The following CDPF1 variants were observed in gnomAD, a reference collection of about 807,000 sequenced individuals.
The protein encoded by CDPF1 is cysteine rich DPF motif domain containing 1.
In CDPF1, 8 loss-of-function variants were observed where a neutral mutation model predicts 8.3. The ratio of observed to expected loss-of-function variants is 0.96; its 90% CI spans 0.57 to 1.74. The LOEUF (loss-of-function observed/expected upper bound fraction) is 1.74. Among genes scored for constraint, CDPF1 ranks in the 40% most tolerant of loss-of-function variants. The pLI is 0.00. For synonymous variants in CDPF1, 62 were observed against 62.9 expected (o/e 0.99, Z 0.07); for missense variants, 151 against 155.3 (o/e 0.97, Z 0.15).
At position 46,248,046 on chromosome 22, in the gene CDPF1, C is replaced by G. The variant is rs1817171003; in HGVS notation, c.113+126G>C. 2 of 614,504 alleles carry G rather than the reference C, an allele frequency of 3.3e-6. No individual in the cohort carries two copies. Among genetic ancestry groups the G allele is most frequent in the South Asian group, 2.1e-5 (1 of 48,476 alleles). 38.1% of individuals were successfully genotyped at this position (614,504 alleles called of 1,614,324 possible). A position where few individuals can be genotyped will look rare whatever the true frequency, so the allele number is the denominator to read the frequency against. ...CTCCAGAGATTACACCAGAAGCATT[C>G]AGAGCCTGGCCAGGGTGGGGTCTAA... On this transcript the variant is annotated intron_variant, in intron 2 of 3. Coordinates refer to ENST00000314567, the MANE Select transcript of CDPF1 (RefSeq NM_207327.5). The surrounding 1 kb of genome is among the most constrained non-coding windows in gnomAD (Gnocchi z 4.1).
In CDPF1 at chr22:46,245,034, C is replaced by G. The variant is rs767960045; in HGVS notation, c.*58G>C. The G allele has an allele frequency of 1.2e-5, 19 of 1,593,106 alleles. No homozygotes were observed. Among genetic ancestry groups the G allele is most frequent in the African/African-American group, 2.7e-5 (2 of 74,398 alleles). Reference sequence around the variant, plus strand: ...TCCCAGCTCAGCAGCATCCCTGGCGCAGGCTGGCCCAGGAGCTCTGTGCAG... The same window carrying G: ...TCCCAGCTCAGCAGCATCCCTGGCGGAGGCTGGCCCAGGAGCTCTGTGCAG... On this transcript the variant is annotated 3_prime_UTR_variant, in exon 4 of 4. Transcript: ENST00000314567. The surrounding 1 kb of genome is among the most constrained non-coding windows in gnomAD (Gnocchi z 6.9).
At position 46,247,197 on chromosome 22, in the gene CDPF1, CA is replaced by C; in HGVS notation, c.137del (p.Met46ArgfsTer84). The C allele has an allele frequency of 6.2e-7, 1 of 1,613,808 alleles. No homozygotes were observed. Among genetic ancestry groups the C allele is most frequent in the Non-Finnish European group, 8.5e-7 (1 of 1,179,778 alleles). ...SMVLLEESYV[M>X]KDPFTSDKDR... Reference sequence around the variant, plus strand: ...CCTTGTCGGAGGTGAAGGGATCCTTCATGACATAGCTTTCCTCCAGGAGGCT... The same window carrying C: ...CCTTGTCGGAGGTGAAGGGATCCTTCTGACATAGCTTTCCTCCAGGAGGCT... On this transcript the variant is annotated frameshift_variant, in exon 3 of 4. Transcript: ENST00000314567. LOFTEE classifies it high-confidence loss of function. The surrounding 1 kb of genome is among the most constrained non-coding windows in gnomAD (Gnocchi z 4.3).
In CDPF1 at chr22:46,248,104, G is replaced by T; in HGVS notation, c.113+68C>A. On this transcript the variant is annotated intron_variant, in intron 2 of 3. Transcript: ENST00000314567. This position sits in a 1 kb window ranked among gnomAD's most constrained non-coding sequence, Gnocchi z 4.1. ...CACCTGAGACAGTTGTCAGACCTAG[G>T]CACACCACCCACCAACCAGCACTGG... is the stretch of plus-strand genomic sequence containing the variant. The T allele has an allele frequency of 9.1e-7, 1 of 1,103,594 alleles. No individual in the cohort carries two copies. Among genetic ancestry groups the T allele is most frequent in the Non-Finnish European group, 1.4e-6 (1 of 739,226 alleles). 68.4% of individuals were successfully genotyped at this position (1,103,594 alleles called of 1,614,324 possible).
rs2147762725 is a variant in CDPF1, at chr22:46,244,686, G to A, written c.*406C>T. The A allele has an allele frequency of 5.4e-6, 1 of 186,144 alleles. No individual in the cohort carries two copies. The highest frequency in any genetic ancestry group is 1.1e-5 in the Non-Finnish European group (1 of 88,298). The allele number at this position is 186,144 out of a possible 1,614,324, so 11.5% of individuals were successfully genotyped here. A position where few individuals can be genotyped will look rare whatever the true frequency, so the allele number is the denominator to read the frequency against. The stretch of plus-strand genomic sequence containing the variant: ...TGATTTTCCTTACAGAGAGACCATT[G>A]CAGCCACCTACAGTGCACCATGGCC... On this transcript the variant is annotated 3_prime_UTR_variant, in exon 4 of 4. Coordinates refer to ENST00000314567, the MANE Select transcript of CDPF1 (RefSeq NM_207327.5). The surrounding 1 kb of genome is among the most constrained non-coding windows in gnomAD (Gnocchi z 6.7).
In CDPF1 at chr22:46,249,435, G is replaced by A. The variant is rs527806764; in HGVS notation, c.-1+821C>T. ...AGCCAGAGGCGGGCGGATTACCTGA[G>A]GTCAGGAGTTCAAGACCAACCTAGC... is the stretch of plus-strand genomic sequence containing the variant. On this transcript the variant is annotated intron_variant, in intron 1 of 3. Coordinates refer to ENST00000314567, the MANE Select transcript of CDPF1 (RefSeq NM_207327.5). This position sits in a 1 kb window ranked among gnomAD's most constrained non-coding sequence, Gnocchi z 4.6. Among the ~76,000 whole-genome samples the A allele has an allele frequency of 1.3e-5, 2 of 152,158 alleles. No homozygotes were observed. The highest frequency in any genetic ancestry group is 2.4e-5 in the African/African-American group (1 of 41,516).
rs1315492086 is a variant in CDPF1, at chr22:46,246,496, AG to A, written c.225+613del. Among the ~76,000 whole-genome samples the A allele has an allele frequency of 1.3e-5, 2 of 152,178 alleles. No individual in the cohort carries two copies. Among genetic ancestry groups the A allele is most frequent in the Non-Finnish European group, 2.9e-5 (2 of 68,026 alleles). ...GTGTGTCAACCTGTGGCAGATGCTC[AG>A]GGACTTCTCAGACTCTGGGGTCACT... On this transcript the variant is annotated intron_variant, in intron 3 of 3. Coordinates refer to ENST00000314567, the MANE Select transcript of CDPF1 (RefSeq NM_207327.5). The surrounding 1 kb of genome is among the most constrained non-coding windows in gnomAD (Gnocchi z 7.1).
chr22:46,244,933 C>T lies in CDPF1; in HGVS notation c.*159G>A. The T allele has an allele frequency of 1.1e-6, 1 of 890,350 alleles. No homozygotes were observed. Among genetic ancestry groups the T allele is most frequent in the Non-Finnish European group, 1.7e-6 (1 of 592,824 alleles). 55.2% of individuals were successfully genotyped at this position (890,350 alleles called of 1,614,324 possible). On this transcript the variant is annotated 3_prime_UTR_variant, in exon 4 of 4. Transcript: ENST00000314567. This position sits in a 1 kb window ranked among gnomAD's most constrained non-coding sequence, Gnocchi z 6.7. ...CTACAGCTCCCTGGGCCTGTGGCTG[C>T]TCCAAGCTGGACTCCAGCTCCCCTG... is the stretch of plus-strand genomic sequence containing the variant.
chr22:46,247,296 G>A lies in CDPF1; in HGVS notation c.114-75C>T. ...GAAAATCAGCCATGACCTATGGCCA[G>A]GCAGCAGCAGCCTGCACCTCTGCAG... is the stretch of plus-strand genomic sequence containing the variant. On this transcript the variant is annotated intron_variant, in intron 2 of 3. Transcript: ENST00000314567. This position sits in a 1 kb window ranked among gnomAD's most constrained non-coding sequence, Gnocchi z 4.3. 1 of 998,910 alleles carries A rather than the reference G, an allele frequency of 1.0e-6. No homozygotes were observed. Among genetic ancestry groups the A allele is most frequent in the South Asian group, 1.4e-5 (1 of 73,348 alleles). 61.9% of individuals were successfully genotyped at this position (998,910 alleles called of 1,614,324 possible).
Position 46,245,085 on chromosome 22 carries a change from G to A in CDPF1, c.*7C>T. The A allele has an allele frequency of 1.4e-5, 23 of 1,614,060 alleles. 1 individual carries two copies. The highest frequency in any genetic ancestry group is 1.9e-5 in the Non-Finnish European group (22 of 1,179,892). On this transcript the variant is annotated 3_prime_UTR_variant, in exon 4 of 4. Coordinates refer to ENST00000314567, the MANE Select transcript of CDPF1 (RefSeq NM_207327.5). The surrounding 1 kb of genome is among the most constrained non-coding windows in gnomAD (Gnocchi z 6.9). Reference sequence around the variant, plus strand: ...GGTGCCGCCCGATGACCTAGCCCCAGTTGCACTCACGTCCGAGAACCGGGC... The same window carrying A: ...GGTGCCGCCCGATGACCTAGCCCCAATTGCACTCACGTCCGAGAACCGGGC...
chr22:46,248,132 A>T lies in CDPF1; in HGVS notation c.113+40T>A, dbSNP rs762403778. 6.8e-7 allele frequency: 1 copy of T among 1,460,214 alleles called. No homozygotes were observed. Among genetic ancestry groups the T allele is most frequent in the Non-Finnish European group, 9.6e-7 (1 of 1,046,672 alleles). The allele number at this position is 1,460,214 out of a possible 1,614,324, so 90.5% of individuals were successfully genotyped here. Reference sequence around the variant, plus strand: ...CACCACCCACCAACCAGCACTGGGCACAGGCCTCCCCGGCACTGGCCCAAA... The same window carrying T: ...CACCACCCACCAACCAGCACTGGGCTCAGGCCTCCCCGGCACTGGCCCAAA... On this transcript the variant is annotated intron_variant, in intron 2 of 3. Coordinates refer to ENST00000314567, the MANE Select transcript of CDPF1 (RefSeq NM_207327.5). This position sits in a 1 kb window ranked among gnomAD's most constrained non-coding sequence, Gnocchi z 4.1.
Position 46,249,616 on chromosome 22 carries a change from T to G in CDPF1, c.-1+640A>C, listed in dbSNP as rs1366855012. 6.6e-6 allele frequency among the ~76,000 whole-genome samples: 1 copy of G among 151,972 alleles called. No individual in the cohort carries two copies. Among genetic ancestry groups the G allele is most frequent in the Non-Finnish European group, 1.5e-5 (1 of 67,990 alleles). On this transcript the variant is annotated intron_variant, in intron 1 of 3. Coordinates refer to ENST00000314567, the MANE Select transcript of CDPF1 (RefSeq NM_207327.5). The surrounding 1 kb of genome is among the most constrained non-coding windows in gnomAD (Gnocchi z 4.6). ...GTGAGCCGAGATTGTGCCACTGTACTCCAGCCTGGGCGACAGGGCGAGACT... is the reference window on the plus strand; with the variant it reads ...GTGAGCCGAGATTGTGCCACTGTACGCCAGCCTGGGCGACAGGGCGAGACT...
At position 46,248,113 on chromosome 22, in the gene CDPF1, C is replaced by A. The variant is rs1936519355; in HGVS notation, c.113+59G>T. 5 of 1,238,656 alleles carry A rather than the reference C, an allele frequency of 4.0e-6. No individual in the cohort carries two copies. The highest frequency in any genetic ancestry group is 3.8e-5 in the South Asian group (3 of 78,098). The allele number at this position is 1,238,656 out of a possible 1,614,324, so 76.7% of individuals were successfully genotyped here. A position where few individuals can be genotyped will look rare whatever the true frequency, so the allele number is the denominator to read the frequency against. The stretch of plus-strand genomic sequence containing the variant: ...CAGTTGTCAGACCTAGGCACACCAC[C>A]CACCAACCAGCACTGGGCACAGGCC... On this transcript the variant is annotated intron_variant, in intron 2 of 3. Transcript: ENST00000314567. This position sits in a 1 kb window ranked among gnomAD's most constrained non-coding sequence, Gnocchi z 4.1.
rs546936505 is a variant in CDPF1 at position 46,247,406 on chromosome 22, G to A, written c.114-185C>T. On this transcript the variant is annotated intron_variant, in intron 2 of 3. Transcript: ENST00000314567. The surrounding 1 kb of genome is among the most constrained non-coding windows in gnomAD (Gnocchi z 4.3). ...CAGTGACAGAAAGGATCAGCAATTG[G>A]GGGCCACACTGGCACTGAAATTGAA... 1.2e-3 allele frequency among the ~76,000 whole-genome samples: 176 copies of A among 152,278 alleles called. No homozygotes were observed. The Middle Eastern group carries it at 0.014, about 12-fold the overall frequency.
Position 46,247,283 on chromosome 22 carries a change from T to C in CDPF1, c.114-62A>G, listed in dbSNP as rs2147766257. ...ATCTCTGCCGTCGGAAAATCAGCCATGACCTATGGCCAGGCAGCAGCAGCC... is the reference window on the plus strand; with the variant it reads ...ATCTCTGCCGTCGGAAAATCAGCCACGACCTATGGCCAGGCAGCAGCAGCC... On this transcript the variant is annotated intron_variant, in intron 2 of 3. Coordinates refer to ENST00000314567, the MANE Select transcript of CDPF1 (RefSeq NM_207327.5). This position sits in a 1 kb window ranked among gnomAD's most constrained non-coding sequence, Gnocchi z 4.3. 1 of 1,154,968 alleles carries C rather than the reference T, an allele frequency of 8.7e-7. No individual in the cohort carries two copies. The highest frequency in any genetic ancestry group is 1.3e-5 in the South Asian group (1 of 77,880). The allele number at this position is 1,154,968 out of a possible 1,614,324, so 71.5% of individuals were successfully genotyped here. A position where few individuals can be genotyped will look rare whatever the true frequency, so the allele number is the denominator to read the frequency against.
At chr22:46,250,149 G>C (rs1936556544) in intron 1 of CDPF1, 107 bp downstream of exon 1, 1 of 152,464 alleles carries the variant, frequency 6.6e-6, no homozygotes. Context: ...AACCCAGCAG[G>C]CCACGCCGGC....
In CDPF1 at chr22:46,248,631, TGGA is replaced by T. The variant is rs1478141763; in HGVS notation, c.1-350_1-348del. On this transcript the variant is annotated intron_variant, in intron 1 of 3. Transcript: ENST00000314567. This position sits in a 1 kb window ranked among gnomAD's most constrained non-coding sequence, Gnocchi z 4.1. ...ACCACAAGCCCCCAGTGAACGCTGG[TGGA>T]GAAGGGCCCAGAGTGGGTGCAAAAT... Among the ~76,000 whole-genome samples the T allele has an allele frequency of 6.6e-6, 1 of 152,264 alleles. No homozygotes were observed. Among genetic ancestry groups the T allele is most frequent in the Non-Finnish European group, 1.5e-5 (1 of 68,020 alleles).
At chr22:46,250,051 CA>C (rs1441371346) in intron 1 of CDPF1, among the ~76,000 whole-genome samples, 5 of 152,148 alleles carry the variant, frequency 3.3e-5, no homozygotes, top group South Asian at 2.1e-4. Flanking sequence ...TGCCCGAGGT[CA>C]GGGGGGACAG....
chr22:46,247,232 G>C lies in CDPF1; in HGVS notation c.114-11C>G. On this transcript the variant is annotated splice_polypyrimidine_tract_variant and intron_variant, in intron 2 of 3. Transcript: ENST00000314567. The surrounding 1 kb of genome is among the most constrained non-coding windows in gnomAD (Gnocchi z 4.3). The stretch of plus-strand genomic sequence containing the variant: ...CTTTCCTCCAGGAGGCTGCAGGAGA[G>C]TGAATGCAGCGTCAGAACAGCCCAA... 6.3e-7 allele frequency: 1 copy of C among 1,576,660 alleles called. No individual in the cohort carries two copies. The highest frequency in any genetic ancestry group is 2.2e-5 in the East Asian group (1 of 44,628).
Position 46,248,120 on chromosome 22 carries a change from C to T in CDPF1, c.113+52G>A, listed in dbSNP as rs1936519533. On this transcript the variant is annotated intron_variant, in intron 2 of 3. Transcript: ENST00000314567. The surrounding 1 kb of genome is among the most constrained non-coding windows in gnomAD (Gnocchi z 4.1). ...CAGACCTAGGCACACCACCCACCAA[C>T]CAGCACTGGGCACAGGCCTCCCCGG... 7.5e-7 allele frequency: 1 copy of T among 1,337,882 alleles called. No individual in the cohort carries two copies. The highest frequency in any genetic ancestry group is 1.1e-6 in the Non-Finnish European group (1 of 941,556). The allele number at this position is 1,337,882 out of a possible 1,614,324, so 82.9% of individuals were successfully genotyped here. A position where few individuals can be genotyped will look rare whatever the true frequency, so the allele number is the denominator to read the frequency against.
Sources: gnomAD v4.1 joint callset for allele counts (sites outside exome capture counted in the v4.1 genomes callset) on GRCh38, gnomAD v4.1.1 for gene constraint, Gnocchi (gnomAD v3.1) non-coding constraint, MANE v1.5 for transcripts, NCBI Gene and HGNC (gene_info 2026-07-23, HGNC 2026-07-21) for gene names.